Variants in COL24A1 observed in about 807,000 individuals in gnomAD.
COL24A1 encodes the protein collagen type XXIV alpha 1 chain.
A neutral mutation model predicts 253.9 loss-of-function variants in COL24A1; 224 were observed. The observed-to-expected ratio is 0.88, with a 90% confidence interval of 0.79 to 0.99. The LOEUF (loss-of-function observed/expected upper bound fraction) is 0.99. Among genes scored for constraint, COL24A1 ranks in the 50% least tolerant of loss-of-function variants. The pLI is 0.00. For synonymous variants in COL24A1, 685 were observed against 673.7 expected (o/e 1.02, Z -0.26); for missense variants, 2,131 against 2,068.5 (o/e 1.03, Z -0.59).
chr1:85,880,722 G>C (rs1020511533), intron 32 of COL24A1, among the ~76,000 whole-genome samples: 2 of 45,438 alleles, frequency 4.4e-5, no homozygotes, highest in African/African-American at 1.0e-4. Context: ...CCAAGTTTGA[G>C]AGTTTTTTTT....
intron 5 of COL24A1, among the ~76,000 whole-genome samples, chr1:86,101,997 G>A (rs978252470): frequency 6.6e-6 from 1 of 151,510 alleles, no homozygotes; most frequent in Admixed American, 6.6e-5. Context: ...ATTTTACTAC[G>A]AATCTATCTG....
At chr1:86,127,398 A>G (rs1648481282) in intron 2 of COL24A1, among the ~76,000 whole-genome samples, 1 of 152,022 alleles carries the variant, frequency 6.6e-6, no homozygotes, top group Admixed American at 6.6e-5. Context: ...TGTCTGATTC[A>G]TTATTGGATC....
intron 1 of COL24A1, chr1:86,155,065 A>T (rs2102478741): frequency 6.6e-6 from 1 of 152,258 alleles, no homozygotes; most frequent in South Asian, 2.1e-4. Context: ...GCAGAGCTTG[A>T]CCTCTACTCG....
At chr1:86,102,509 T>C (rs930008953) in intron 5 of COL24A1, among the ~76,000 whole-genome samples, 3 of 152,064 alleles carry the variant, frequency 2.0e-5, no homozygotes, top group Non-Finnish European at 4.4e-5. Flanking sequence ...CTTTTTGATA[T>C]GGGTGTTTAG....
intron 19 of COL24A1, among the ~76,000 whole-genome samples, chr1:85,988,239 A>G (rs1470544254): frequency 6.6e-6 from 1 of 152,006 alleles, no homozygotes; most frequent in Non-Finnish European, 1.5e-5. Flanking sequence ...TCTATGAACC[A>G]TTATCTTACA....
At chr1:85,920,397 T>C (rs967567095) in intron 24 of COL24A1, among the ~76,000 whole-genome samples, 1 of 152,184 alleles carries the variant, frequency 6.6e-6, no homozygotes. Flanking sequence ...TAATCCACAT[T>C]GTCTGGGACA....
intron 1 of COL24A1, among the ~76,000 whole-genome samples, chr1:86,151,198 C>A (rs1652726021): frequency 6.6e-6 from 1 of 151,920 alleles, no homozygotes; most frequent in Non-Finnish European, 1.5e-5. Context: ...ATTTAAGTAA[C>A]CTAAAATAGT....
chr1:86,015,166 A>C (rs1696877943), intron 19 of COL24A1, among the ~76,000 whole-genome samples: 1 of 152,196 alleles, frequency 6.6e-6, no homozygotes, highest in African/African-American at 2.4e-5. Flanking sequence ...TTGCCTATGT[A>C]CTATATTTTT....
At chr1:85,801,624 C>G (rs916431342) in intron 47 of COL24A1, among the ~76,000 whole-genome samples, 1 of 152,180 alleles carries the variant, frequency 6.6e-6, no homozygotes, top group South Asian at 2.1e-4. Context: ...TCCCAGCACT[C>G]TTTGTTGACT....
intron 1 of COL24A1, among the ~76,000 whole-genome samples, chr1:86,150,232 C>T (rs1305889845): frequency 6.6e-6 from 1 of 152,184 alleles, no homozygotes; most frequent in African/African-American, 2.4e-5. Flanking sequence ...TTTCCCCCAC[C>T]TCTGTACTTT....
chr1:86,022,193 C>T (rs1234559118), intron 18 of COL24A1, 47 bp downstream of exon 18: 3 of 1,507,438 alleles, frequency 2.0e-6, no homozygotes, highest in Non-Finnish European at 2.8e-6. Flanking sequence ...CATGCCATGA[C>T]ATGCACTCTG....
At chr1:85,736,499 G>T in intron 58 of COL24A1, 2 of 456,130 alleles carry the variant, frequency 4.4e-6, no homozygotes, top group Non-Finnish European at 8.8e-6. Context: ...AGAGGTTCAT[G>T]ATTCCCTAGG....
At chr1:85,872,575 C>T (rs887082816) in intron 35 of COL24A1, among the ~76,000 whole-genome samples, 7 of 151,944 alleles carry the variant, frequency 4.6e-5, no homozygotes, top group African/African-American at 1.7e-4. Flanking sequence ...CTGACAAAAA[C>T]AAGAAATAGG....
intron 53 of COL24A1, among the ~76,000 whole-genome samples, chr1:85,765,866 C>T (rs1053605417): frequency 5.9e-5 from 9 of 152,078 alleles, no homozygotes; most frequent in Admixed American, 3.3e-4. Context: ...TTCCAGCAGT[C>T]GTCTTTGCAT....
At chr1:85,764,017 T>C (rs1667105816) in intron 53 of COL24A1, among the ~76,000 whole-genome samples, 1 of 152,228 alleles carries the variant, frequency 6.6e-6, no homozygotes, top group Non-Finnish European at 1.5e-5. Flanking sequence ...TTTTTGTAAA[T>C]TCTTTTATTT....
At chr1:86,045,675 G>T (rs951055112) in intron 12 of COL24A1, 2 of 240,252 alleles carry the variant, frequency 8.3e-6, no homozygotes, top group Non-Finnish European at 1.7e-5. Context: ...TAATAGCAAC[G>T]GTGATGGCAG....
intron 18 of COL24A1, among the ~76,000 whole-genome samples, chr1:86,021,716 TTAAG>T (rs1298788110): frequency 6.6e-6 from 1 of 152,052 alleles, no homozygotes; most frequent in African/African-American, 2.4e-5. Flanking sequence ...GCTTTAATTA[TTAAG>T]TAATTTTAGA....
chr1:85,839,783 T>C (rs2102231994), intron 42 of COL24A1, among the ~76,000 whole-genome samples: 1 of 152,230 alleles, frequency 6.6e-6, no homozygotes, highest in Non-Finnish European at 1.5e-5. Flanking sequence ...ATTATACTTA[T>C]TAATTTTAAT....
intron 5 of COL24A1, among the ~76,000 whole-genome samples, chr1:86,109,824 T>G (rs1705358717): frequency 6.6e-6 from 1 of 152,250 alleles, no homozygotes; most frequent in South Asian, 2.1e-4. Context: ...ATTTATATGT[T>G]GAAACCTAAT....
Sources: gnomAD v4.1 joint callset for allele counts (sites outside exome capture counted in the v4.1 genomes callset) on GRCh38, gnomAD v4.1.1 for gene constraint, MANE v1.5 for transcripts, NCBI Gene and HGNC (gene_info 2026-07-23, HGNC 2026-07-21) for gene names.